JAKMIP1: variants seen among roughly 807,000 people sequenced by gnomAD.
The protein encoded by JAKMIP1 is janus kinase and microtubule interacting protein 1.
Under a neutral mutation model 113.0 loss-of-function variants are expected in JAKMIP1, and 33 were observed. The ratio of observed to expected loss-of-function variants is 0.29; its 90% CI spans 0.22 to 0.39. JAKMIP1 has a LOEUF of 0.39. Among genes scored for constraint, JAKMIP1 ranks in the 10% least tolerant of loss-of-function variants. The pLI is 1.00. For missense variants in JAKMIP1, 813 were observed against 1,080.5 expected (o/e 0.75, Z 3.47); for synonymous variants, 480 against 459.9 (o/e 1.04, Z -0.56).
chr4:6,098,071 A>AC (rs909699395), intron 3 of JAKMIP1, among the ~76,000 whole-genome samples: 6 of 152,232 alleles, frequency 3.9e-5, no homozygotes, highest in African/African-American at 1.4e-4. Context: ...GTCTGGTTTA[A>AC]CAAGGTGCTG....
At chr4:6,196,325 GC>G (rs1176264962) in intron 1 of JAKMIP1, among the ~76,000 whole-genome samples, 5 of 152,164 alleles carry the variant, frequency 3.3e-5, no homozygotes, top group Admixed American at 3.3e-4. Flanking sequence ...ACAGCATGAG[GC>G]CCCCACAGCT....
rs1723728982 is a variant in JAKMIP1 at position 6,167,053 on chromosome 4, G to T, written c.-148+33200C>A. ...TACTGTATGTGCTACCCCACATCAAGTACTTGGAACAGTGCCTGGTGCGTA... is the reference window on the plus strand; with the variant it reads ...TACTGTATGTGCTACCCCACATCAATTACTTGGAACAGTGCCTGGTGCGTA... On this transcript the variant is annotated intron_variant, in intron 1 of 20. Transcript: ENST00000409021. This position sits in a 1 kb window ranked among gnomAD's most constrained non-coding sequence, Gnocchi z 5.3. Among the ~76,000 whole-genome samples, 1 of 152,124 alleles carries T rather than the reference G, an allele frequency of 6.6e-6. No homozygotes were observed. Among genetic ancestry groups the T allele is most frequent in the African/African-American group, 2.4e-5 (1 of 41,412 alleles).
Position 6,081,483 on chromosome 4 carries a change from C to G in JAKMIP1, c.1101+126G>C. 2 of 1,006,938 alleles carry G rather than the reference C, an allele frequency of 2.0e-6. 1 individual carries two copies. The highest frequency in any genetic ancestry group is 3.0e-5 in the South Asian group (2 of 66,014). 62.4% of individuals were successfully genotyped at this position (1,006,938 alleles called of 1,614,324 possible). A position where few individuals can be genotyped will look rare whatever the true frequency, so the allele number is the denominator to read the frequency against. Reference sequence around the variant, plus strand: ...GAGACATCTGTGACTGACACTGTGCCTGGTGCTTTGTGGGGAGGTGGGCAG... The same window carrying G: ...GAGACATCTGTGACTGACACTGTGCGTGGTGCTTTGTGGGGAGGTGGGCAG... On this transcript the variant is annotated intron_variant, in intron 6 of 20. Coordinates refer to ENST00000409021, the MANE Select transcript of JAKMIP1 (RefSeq NM_001099433.2). The surrounding 1 kb of genome is among the most constrained non-coding windows in gnomAD (Gnocchi z 4.6).
In JAKMIP1 at chr4:6,150,413, G is replaced by T. The variant is rs915102892; in HGVS notation, c.-147-37416C>A. 2 of 152,226 alleles carry T rather than the reference G, an allele frequency of 1.3e-5. No homozygotes were observed. Among genetic ancestry groups the T allele is most frequent in the Non-Finnish European group, 2.9e-5 (2 of 68,082 alleles). 9.4% of individuals were successfully genotyped at this position (152,226 alleles called of 1,614,324 possible). ...AACTAAAAGCCTTACTGTGCAGCGG[G>T]CTTCTCAAGGACAGTGTCCACGGTT... On this transcript the variant is annotated intron_variant, in intron 1 of 20. Transcript: ENST00000409021. The surrounding 1 kb of genome is among the most constrained non-coding windows in gnomAD (Gnocchi z 4.8).
At chr4:6,098,020 G>T (rs2108856011) in intron 3 of JAKMIP1, among the ~76,000 whole-genome samples, 1 of 152,330 alleles carries the variant, frequency 6.6e-6, no homozygotes, top group South Asian at 2.1e-4. Flanking sequence ...AAAGTGTAGT[G>T]TCGAGTTTGG....
At chr4:6,091,995 CTTAGTTTCTAAGAACCT>C (rs1722120735) in intron 3 of JAKMIP1, among the ~76,000 whole-genome samples, 1 of 152,172 alleles carries the variant, frequency 6.6e-6, no homozygotes, top group Non-Finnish European at 1.5e-5. Context: ...CCAGGAGGTT[CTTAGTTTCTAAGAACCT>C]TTGGAATCTC....
rs1477595745 is a variant in JAKMIP1 at position 6,162,969 on chromosome 4, A to G, written c.-148+37284T>C. Among the ~76,000 whole-genome samples the G allele has an allele frequency of 6.6e-6, 1 of 152,218 alleles. No homozygotes were observed. Among genetic ancestry groups the G allele is most frequent in the African/African-American group, 2.4e-5 (1 of 41,462 alleles). ...GTGAGGCCACAGCATCAGACACGGG[A>G]AGATGCTGGGAACATCTGGTTCTGT... On this transcript the variant is annotated intron_variant, in intron 1 of 20. Transcript: ENST00000409021. This position sits in a 1 kb window ranked among gnomAD's most constrained non-coding sequence, Gnocchi z 5.6.
rs1721498511 is a variant in JAKMIP1, at chr4:6,150,941, G to T, written c.-147-37944C>A. Among the ~76,000 whole-genome samples, 1 of 152,094 alleles carries T rather than the reference G, an allele frequency of 6.6e-6. No homozygotes were observed. The highest frequency in any genetic ancestry group is 1.5e-5 in the Non-Finnish European group (1 of 68,026). On this transcript the variant is annotated intron_variant, in intron 1 of 20. Coordinates refer to ENST00000409021, the MANE Select transcript of JAKMIP1 (RefSeq NM_001099433.2). This position sits in a 1 kb window ranked among gnomAD's most constrained non-coding sequence, Gnocchi z 4.8. ...CACACATTTACAACCCCACCAGTGG[G>T]TCCCTGTCATCCACCAAAAGCAAAA...
At position 6,042,348 on chromosome 4, in the gene JAKMIP1, G is replaced by A. The variant is rs915240871; in HGVS notation, c.2029-121C>T. The A allele has an allele frequency of 2.5e-6, 2 of 784,356 alleles. No homozygotes were observed. Among genetic ancestry groups the A allele is most frequent in the South Asian group, 3.0e-5 (2 of 66,646 alleles). The allele number at this position is 784,356 out of a possible 1,614,324, so 48.6% of individuals were successfully genotyped here. A position where few individuals can be genotyped will look rare whatever the true frequency, so the allele number is the denominator to read the frequency against. On this transcript the variant is annotated intron_variant, in intron 16 of 20. Coordinates refer to ENST00000409021, the MANE Select transcript of JAKMIP1 (RefSeq NM_001099433.2). This position sits in a 1 kb window ranked among gnomAD's most constrained non-coding sequence, Gnocchi z 5.2. ...CTTCCTCAGAGTGTGCTCAGGAATG[G>A]GTCAGGTCATGGCACACACATGCCT...
chr4:6,070,973 T>C (rs1183273300), intron 8 of JAKMIP1, among the ~76,000 whole-genome samples: 2 of 151,924 alleles, frequency 1.3e-5, no homozygotes, highest in Non-Finnish European at 1.5e-5. Flanking sequence ...GCAGAAAAAA[T>C]GGACAGACTT....
At chr4:6,095,341 AAAGG>A (rs1424724144) in intron 3 of JAKMIP1, among the ~76,000 whole-genome samples, 1 of 152,000 alleles carries the variant, frequency 6.6e-6, no homozygotes, top group Non-Finnish European at 1.5e-5. Flanking sequence ...CGAAAGAAAG[AAAGG>A]AAGGGAGGAA....
chr4:6,128,968 C>T (rs974510013), intron 1 of JAKMIP1, among the ~76,000 whole-genome samples: 1 of 152,246 alleles, frequency 6.6e-6, no homozygotes, highest in Non-Finnish European at 1.5e-5. Context: ...CCGTCTCACC[C>T]GGGCGTCGGG....
intron 1 of JAKMIP1, among the ~76,000 whole-genome samples, chr4:6,160,261 T>G (rs1436260992): frequency 6.6e-6 from 1 of 152,164 alleles, no homozygotes. Context: ...ATGGGATTTT[T>G]AGAGTCCTCC....
intron 1 of JAKMIP1, among the ~76,000 whole-genome samples, chr4:6,177,100 C>A (rs550006916): frequency 6.6e-6 from 1 of 152,294 alleles, no homozygotes; most frequent in Non-Finnish European, 1.5e-5. Context: ...ACCATGTGAC[C>A]ATGCCTAGAC....
At position 6,167,127 on chromosome 4, in the gene JAKMIP1, A is replaced by G. The variant is rs1307599822; in HGVS notation, c.-148+33126T>C. The stretch of plus-strand genomic sequence containing the variant: ...GGTATTATTAAAATTCTTGAAATCC[A>G]TCGTCTTCCCCTAGACCTGCTCCTC... On this transcript the variant is annotated intron_variant, in intron 1 of 20. Coordinates refer to ENST00000409021, the MANE Select transcript of JAKMIP1 (RefSeq NM_001099433.2). The surrounding 1 kb of genome is among the most constrained non-coding windows in gnomAD (Gnocchi z 5.3). Among the ~76,000 whole-genome samples, 1 of 152,018 alleles carries G rather than the reference A, an allele frequency of 6.6e-6. No individual in the cohort carries two copies. Among genetic ancestry groups the G allele is most frequent in the African/African-American group, 2.4e-5 (1 of 41,392 alleles).
intron 1 of JAKMIP1, among the ~76,000 whole-genome samples, chr4:6,175,200 G>A (rs1220957319): frequency 3.3e-5 from 5 of 152,078 alleles, no homozygotes; most frequent in African/African-American, 7.2e-5. Flanking sequence ...CTCTGGGCCC[G>A]CTGAGGCCCT....
chr4:6,117,088 A>G (rs991985105), intron 1 of JAKMIP1, among the ~76,000 whole-genome samples: 1 of 152,246 alleles, frequency 6.6e-6, no homozygotes. Flanking sequence ...AGGACAGCAC[A>G]GCTCGTGTGC....
rs1184602308 is a variant in JAKMIP1, at chr4:6,108,655, C to G, written c.130-2688G>C. Among the ~76,000 whole-genome samples, 1 of 152,204 alleles carries G rather than the reference C, an allele frequency of 6.6e-6. No homozygotes were observed. Among genetic ancestry groups the G allele is most frequent in the African/African-American group, 2.4e-5 (1 of 41,454 alleles). ...CTGCAGCAGCCCTCCCCGCCACACCCTCCATGCTCAAAGCCCTCTAAATCT... is the reference window on the plus strand; with the variant it reads ...CTGCAGCAGCCCTCCCCGCCACACCGTCCATGCTCAAAGCCCTCTAAATCT... On this transcript the variant is annotated intron_variant, in intron 2 of 20. Coordinates refer to ENST00000409021, the MANE Select transcript of JAKMIP1 (RefSeq NM_001099433.2). This position sits in a 1 kb window ranked among gnomAD's most constrained non-coding sequence, Gnocchi z 5.6.
rs1724047420 is a variant in JAKMIP1, at chr4:6,169,342, C to G, written c.-148+30911G>C. 2.6e-5 allele frequency among the ~76,000 whole-genome samples: 4 copies of G among 152,206 alleles called. No homozygotes were observed. The South Asian group carries it at 6.2e-4, about 24-fold the overall frequency. On this transcript the variant is annotated intron_variant, in intron 1 of 20. Coordinates refer to ENST00000409021, the MANE Select transcript of JAKMIP1 (RefSeq NM_001099433.2). ...ACAGCTGGGGTCCTTATAAAAGATA[C>G]TCAGACAGACGCAGCAGGAGGAGTC...
Sources: gnomAD v4.1 joint callset for allele counts (sites outside exome capture counted in the v4.1 genomes callset) on GRCh38, gnomAD v4.1.1 for gene constraint, Gnocchi (gnomAD v3.1) non-coding constraint, MANE v1.5 for transcripts, NCBI Gene and HGNC (gene_info 2026-07-23, HGNC 2026-07-21) for gene names.